The following POM121 variants were observed in gnomAD, a reference collection of about 807,000 sequenced individuals.
POM121 encodes the protein POM121 transmembrane nucleoporin.
POM121 carries 32 observed loss-of-function variants against 81.3 expected under a neutral mutation model. The ratio of observed to expected loss-of-function variants is 0.39; its 90% CI spans 0.30 to 0.53. The LOEUF (loss-of-function observed/expected upper bound fraction) is 0.53. POM121 is among the 20% of genes least tolerant of loss of function. The pLI is 0.66. For synonymous variants in POM121, 514 were observed against 694.2 expected, an observed-to-expected ratio of 0.74 and a Z score of 4.08; for missense variants, 1,138 against 1,614.6, an observed-to-expected ratio of 0.70 and a Z score of 5.06.
At position 72,925,515 on chromosome 7, in the gene POM121, G is replaced by A. The variant is rs1361443157; in HGVS notation, c.394G>A (p.Ala132Thr). The change falls in exon 1 of 13, where the codon GCG (alanine) becomes ACG (threonine). Residue 132 changes from alanine (A) to threonine (T), a missense_variant. Physicochemically the swap from Ala to Thr is moderately conservative, Grantham distance 58 (BLOSUM62 0). Coordinates refer to ENST00000434423, the MANE Select transcript of POM121 (RefSeq NM_001387691.1). ...GACCCTGCTCGAAGGACCTGACCCT[G>A]CGGAACTGCTACTCATGGGCAGTTA... ...PRTLLEGPDP[A>T]ELLLMGSYLG... is the part of the protein sequence containing the mutation. 1 of 1,533,498 alleles carries A rather than the reference G, an allele frequency of 6.5e-7. No homozygotes were observed. The highest frequency in any genetic ancestry group is 1.2e-5 in the South Asian group (1 of 83,968). The allele number at this position is 1,533,498 out of a possible 1,614,324, so 95.0% of individuals were successfully genotyped here.
chr7:72,918,289 T>C (rs1381883449), intron 4 of POM121, among the ~76,000 whole-genome samples: 1 of 152,178 alleles, frequency 6.6e-6, no homozygotes, highest in African/African-American at 2.4e-5. Context: ...CCGGTGTTTT[T>C]CCTTGACACT....
At chr7:72,934,989 A>G (rs1554499192) in intron 5 of POM121, among the ~76,000 whole-genome samples, 1 of 151,286 alleles carries the variant, frequency 6.6e-6, no homozygotes, top group African/African-American at 2.4e-5. Flanking sequence ...ACTGTCTTGT[A>G]TCTTGGCCTT....
At chr7:72,893,718 CAGCACGT>C (rs2129574995) in intron 3 of POM121, among the ~76,000 whole-genome samples, 1 of 152,284 alleles carries the variant, frequency 6.6e-6, no homozygotes, top group South Asian at 2.1e-4. Flanking sequence ...AAGCACGTGA[CAGCACGT>C]AGTAGGTGTG....
intron 3 of POM121, among the ~76,000 whole-genome samples, chr7:72,905,225 T>C (rs537830858): frequency 1.6e-3 from 239 of 152,364 alleles, no homozygotes; most frequent in African/African-American, 5.4e-3. Flanking sequence ...ATTTTCACTT[T>C]TAAATAATTC....
chr7:72,927,062 T>C (rs1409687351), intron 3 of POM121, 99 bp downstream of exon 3: 130 of 1,583,054 alleles, frequency 8.2e-5, no homozygotes, highest in Non-Finnish European at 1.1e-4. Context: ...ATCTCCAGTT[T>C]ATGAGCCTTC....
At chr7:72,928,663 A>G (rs547359861) in intron 4 of POM121, among the ~76,000 whole-genome samples, 198 bp downstream of exon 4, 1 of 152,378 alleles carries the variant, frequency 6.6e-6, no homozygotes, top group South Asian at 2.1e-4. Context: ...TTCTTGCATT[A>G]ATATGGATGA....
intron 3 of POM121, among the ~76,000 whole-genome samples, chr7:72,911,722 C>T (rs541760888): frequency 3.9e-5 from 6 of 152,142 alleles, no homozygotes; most frequent in Admixed American, 1.3e-4. Context: ...ATGAAATAGA[C>T]GAATGCGTGG....
upstream of POM121, chr7:72,924,814 C>A (rs1402473749): frequency 2.5e-5 from 9 of 358,364 alleles, no homozygotes; most frequent in African/African-American, 1.7e-4. Flanking sequence ...GGGAATTCAG[C>A]CCCCATAAAA....
chr7:72,907,087 T>C (rs868973054), intron 3 of POM121, among the ~76,000 whole-genome samples: 3 of 152,176 alleles, frequency 2.0e-5, no homozygotes, highest in Non-Finnish European at 2.9e-5. Flanking sequence ...TTTTATGGGG[T>C]ATTTAGACAT....
chr7:72,936,133 G>A (rs1796483632), intron 5 of POM121, among the ~76,000 whole-genome samples: 1 of 152,064 alleles, frequency 6.6e-6, no homozygotes, highest in African/African-American at 2.4e-5. Flanking sequence ...TAAACCAGTT[G>A]TTCAGTTGTC....
intron 3 of POM121, among the ~76,000 whole-genome samples, chr7:72,906,395 C>G (rs1223549305): frequency 2.0e-5 from 3 of 152,198 alleles, no homozygotes; most frequent in African/African-American, 7.2e-5. Flanking sequence ...GGAACTCAGG[C>G]TCAGGAATTG....
At chr7:72,889,564 T>C (rs1379408819) in intron 1 of POM121, among the ~76,000 whole-genome samples, 1 of 151,988 alleles carries the variant, frequency 6.6e-6, no homozygotes, top group Non-Finnish European at 1.5e-5. Context: ...TGGAGTGCAG[T>C]GTTGCATTCA....
chr7:72,941,506 C>T (rs1327567541), intron 10 of POM121, among the ~76,000 whole-genome samples: 1 of 147,422 alleles, frequency 6.8e-6, no homozygotes, highest in African/African-American at 2.5e-5. Context: ...GTTGTGTGCT[C>T]TTAGCGCCTG....
At chr7:72,890,213 G>A (rs1441940762) in intron 1 of POM121, among the ~76,000 whole-genome samples, 2 of 152,208 alleles carry the variant, frequency 1.3e-5, no homozygotes, top group African/African-American at 4.8e-5. Flanking sequence ...AAGAAGACCA[G>A]GAACTGAGTG....
upstream of POM121, among the ~76,000 whole-genome samples, chr7:72,920,936 T>G (rs1554495926): frequency 6.6e-6 from 1 of 152,084 alleles, no homozygotes; most frequent in African/African-American, 2.4e-5. Context: ...CTAGCAGGTC[T>G]TTGAGAGGCC....
At chr7:72,949,536 C>T, downstream of POM121, 1 of 837,948 alleles carries the variant, frequency 1.2e-6, no homozygotes, top group Non-Finnish European at 2.0e-6. Flanking sequence ...ATGCATGGAG[C>T]AGCTAAGGGC....
intron 1 of POM121, among the ~76,000 whole-genome samples, chr7:72,884,886 G>C (rs1554489841): frequency 2.0e-5 from 3 of 152,034 alleles, no homozygotes. Flanking sequence ...CCATAGCACA[G>C]TAATTGAATT....
chr7:72,926,248 C>T lies in POM121; in HGVS notation c.645-14C>T, dbSNP rs782034025. 4.5e-6 allele frequency: 7 copies of T among 1,549,308 alleles called. No homozygotes were observed. The highest frequency in any genetic ancestry group is 1.4e-5 in the African/African-American group (1 of 72,970). The stretch of plus-strand genomic sequence containing the variant: ...TTTGCTTTGGTTCCGTGATTTGTCT[C>T]GCATTCTCTGCAGGGATTGTGGGAC... On this transcript the variant is annotated splice_polypyrimidine_tract_variant and intron_variant, in intron 1 of 12. Transcript: ENST00000434423.
intron 3 of POM121, among the ~76,000 whole-genome samples, chr7:72,900,183 A>G (rs1554492435): frequency 3.3e-5 from 5 of 152,160 alleles, no homozygotes; most frequent in Non-Finnish European, 5.9e-5. Flanking sequence ...CTGCTCTGTC[A>G]TTGACTGTCA....
Sources: allele counts gnomAD v4.1 joint callset (sites outside exome capture counted in the v4.1 genomes callset), GRCh38; gene constraint gnomAD v4.1.1; transcripts MANE v1.5; gene names NCBI Gene and HGNC (gene_info 2026-07-23, HGNC 2026-07-21).